UNC5C: variants seen among roughly 807,000 people sequenced by gnomAD.
The protein encoded by UNC5C is netrin receptor UNC5C.
UNC5C carries 47 observed loss-of-function variants against 99.8 expected under a neutral mutation model. The ratio of observed to expected loss-of-function variants is 0.47; its 90% CI spans 0.37 to 0.60. UNC5C has a LOEUF of 0.60. UNC5C is among the 20% of genes least tolerant of loss of function. The pLI is 0.00. For missense variants in UNC5C, 1,062 were observed against 1,165.9 expected (o/e 0.91, Z 1.30); for synonymous variants, 487 against 452.2 (o/e 1.08, Z -0.98).
At chr4:95,330,776 A>C (rs968657966) in intron 2 of UNC5C, among the ~76,000 whole-genome samples, 13 of 152,092 alleles carry the variant, frequency 8.5e-5, no homozygotes, top group Non-Finnish European at 1.9e-4. Context: ...ACCAATTAAT[A>C]ATGGTATCTG....
intron 1 of UNC5C, among the ~76,000 whole-genome samples, chr4:95,413,654 C>T (rs1354691919): frequency 6.6e-6 from 1 of 152,172 alleles, no homozygotes; most frequent in African/African-American, 2.4e-5. Flanking sequence ...CTGTGTTCTA[C>T]CTCATTTTTG....
chr4:95,497,551 C>T (rs2149483339), intron 1 of UNC5C, among the ~76,000 whole-genome samples: 1 of 151,698 alleles, frequency 6.6e-6, no homozygotes, highest in East Asian at 1.9e-4. Context: ...AAGACATGGG[C>T]TATACTCATG....
chr4:95,173,582 G>A (rs1736213887), intron 14 of UNC5C, among the ~76,000 whole-genome samples: 1 of 143,456 alleles, frequency 7.0e-6, no homozygotes, highest in African/African-American at 2.6e-5. Context: ...TGCATCCCAG[G>A]GATGAAGCCC....
intron 1 of UNC5C, among the ~76,000 whole-genome samples, chr4:95,338,697 A>T (rs1167482376): frequency 6.6e-6 from 1 of 152,234 alleles, no homozygotes; most frequent in Non-Finnish European, 1.5e-5. Flanking sequence ...CTAGCACATT[A>T]TATGGGGTCA....
At chr4:95,420,363 A>AT (rs1284029353) in intron 1 of UNC5C, among the ~76,000 whole-genome samples, 1 of 152,154 alleles carries the variant, frequency 6.6e-6, no homozygotes, top group African/African-American at 2.4e-5. Flanking sequence ...ATTTGTGTCA[A>AT]TGGGGACACA....
intron 4 of UNC5C, among the ~76,000 whole-genome samples, chr4:95,273,680 A>G (rs775462650): frequency 6.6e-6 from 1 of 152,218 alleles, no homozygotes; most frequent in Non-Finnish European, 1.5e-5. Context: ...GGAAACACTG[A>G]GCTATATCAT....
At chr4:95,332,549 A>T (rs1259724052) in intron 2 of UNC5C, among the ~76,000 whole-genome samples, 3 of 151,854 alleles carry the variant, frequency 2.0e-5, no homozygotes, top group Non-Finnish European at 4.4e-5. Flanking sequence ...TCCCTTCCTT[A>T]CACCTTATAC....
intron 1 of UNC5C, among the ~76,000 whole-genome samples, chr4:95,440,737 C>T (rs1375859495): frequency 6.6e-6 from 1 of 151,980 alleles, no homozygotes; most frequent in Non-Finnish European, 1.5e-5. Flanking sequence ...GCTTGAATAA[C>T]ATTTGGCCAT....
chr4:95,365,128 C>G (rs893842577), intron 1 of UNC5C, among the ~76,000 whole-genome samples: 1 of 150,762 alleles, frequency 6.6e-6, no homozygotes. Context: ...AACCCTGTCT[C>G]TACTAAAAAT....
chr4:95,178,161 G>A (rs748382846), intron 14 of UNC5C, among the ~76,000 whole-genome samples: 4 of 152,304 alleles, frequency 2.6e-5, no homozygotes, highest in Middle Eastern at 3.4e-3. Context: ...CGTCCTTACC[G>A]TGACTTGACC....
intron 7 of UNC5C, chr4:95,222,139 G>T: frequency 2.6e-6 from 3 of 1,134,886 alleles, no homozygotes; most frequent in Non-Finnish European, 3.6e-6. Context: ...TCCGAAGAAA[G>T]GTAAACTTGA....
intron 1 of UNC5C, among the ~76,000 whole-genome samples, chr4:95,353,497 T>G (rs1407011269): frequency 6.6e-6 from 1 of 151,960 alleles, no homozygotes; most frequent in Non-Finnish European, 1.5e-5. Flanking sequence ...TTCAAGAAAT[T>G]TTCAACACTG....
At chr4:95,326,846 T>C (rs1462979315) in intron 2 of UNC5C, among the ~76,000 whole-genome samples, 1 of 152,218 alleles carries the variant, frequency 6.6e-6, no homozygotes, top group Non-Finnish European at 1.5e-5. Context: ...GTTTTTAATA[T>C]GAAGTTACCT....
chr4:95,353,119 G>A (rs553180080), intron 1 of UNC5C, among the ~76,000 whole-genome samples: 9 of 151,848 alleles, frequency 5.9e-5, no homozygotes, highest in Non-Finnish European at 1.3e-4. Context: ...ATGACTTTGA[G>A]TTCATTCAAA....
intron 10 of UNC5C, among the ~76,000 whole-genome samples, chr4:95,210,210 G>T (rs1407955301): frequency 1.3e-5 from 2 of 152,160 alleles, no homozygotes; most frequent in Non-Finnish European, 2.9e-5. Context: ...AGGAGGGGCA[G>T]TAGGTGTCAA....
At chr4:95,521,080 G>C (rs985203163) in intron 1 of UNC5C, among the ~76,000 whole-genome samples, 2 of 151,942 alleles carry the variant, frequency 1.3e-5, no homozygotes, top group African/African-American at 4.8e-5. Context: ...TATGGTTCTG[G>C]AGACCGAGAC....
chr4:95,456,963 A>G (rs1014105548), intron 1 of UNC5C, among the ~76,000 whole-genome samples: 1 of 152,108 alleles, frequency 6.6e-6, no homozygotes, highest in Non-Finnish European at 1.5e-5. Context: ...TGTTAATACT[A>G]TGTTCATTTC....
intron 1 of UNC5C, among the ~76,000 whole-genome samples, chr4:95,350,332 C>T (rs1168823152): frequency 6.6e-6 from 1 of 151,826 alleles, no homozygotes; most frequent in Non-Finnish European, 1.5e-5. Context: ...ACTAAAAATA[C>T]AAAAATTAGC....
chr4:95,200,922 A>C (rs1398708763), intron 12 of UNC5C, among the ~76,000 whole-genome samples: 1 of 151,826 alleles, frequency 6.6e-6, no homozygotes, highest in Non-Finnish European at 1.5e-5. Flanking sequence ...TTAGGAGGTG[A>C]GGCCTTTGGG....
Sources: gnomAD v4.1 joint callset for allele counts (sites outside exome capture counted in the v4.1 genomes callset) on GRCh38, gnomAD v4.1.1 for gene constraint, MANE v1.5 for transcripts, NCBI Gene and HGNC (gene_info 2026-07-23, HGNC 2026-07-21) for gene names.